ABHD17C: variants seen among roughly 807,000 people sequenced by gnomAD.
The protein encoded by ABHD17C is alpha/beta hydrolase domain-containing protein 17C.
ABHD17C carries 11 observed loss-of-function variants against 27.9 expected under a neutral mutation model. The ratio of observed to expected loss-of-function variants is 0.39; its 90% CI spans 0.25 to 0.65. The LOEUF (loss-of-function observed/expected upper bound fraction) is 0.65. Among genes scored for constraint, ABHD17C ranks in the 30% least tolerant of loss-of-function variants. The pLI is 0.45. For missense variants in ABHD17C, 280 were observed against 470.2 expected (o/e 0.60, Z 3.74); for synonymous variants, 233 against 209.1 (o/e 1.11, Z -0.98).
chr15:80,754,031 A>T (rs1211610469), intron 2 of ABHD17C, 120 bp from the exon 3 acceptor site: 1 of 814,462 alleles, frequency 1.2e-6, no homozygotes, highest in Non-Finnish European at 1.9e-6. Context: ...AACAAAAAAA[A>T]CCCACGGTGT....
chr15:80,715,065 G>A (rs908288009), intron 1 of ABHD17C, among the ~76,000 whole-genome samples: 36 of 152,182 alleles, frequency 2.4e-4, no homozygotes, highest in East Asian at 1.9e-4. Flanking sequence ...ACAGGCGTGA[G>A]CCACCGCGCC....
At chr15:80,727,160 A>G (rs1450825615) in intron 1 of ABHD17C, among the ~76,000 whole-genome samples, 1 of 152,236 alleles carries the variant, frequency 6.6e-6, no homozygotes, top group Non-Finnish European at 1.5e-5. Context: ...CCTGACCTTG[A>G]TGTCTTTTCC....
chr15:80,749,762 A>G (rs1895341507), intron 2 of ABHD17C, 70 bp downstream of exon 2: 1 of 1,505,492 alleles, frequency 6.6e-7, no homozygotes, highest in South Asian at 1.2e-5. Context: ...GCTCCCATAA[A>G]TATCTGTGTA....
chr15:80,708,903 G>A (rs879089725), intron 1 of ABHD17C, among the ~76,000 whole-genome samples: 1 of 152,264 alleles, frequency 6.6e-6, no homozygotes, highest in African/African-American at 2.4e-5. Context: ...TTTTAAACCC[G>A]CAGGCCTGCA....
intron 1 of ABHD17C, among the ~76,000 whole-genome samples, chr15:80,698,354 G>C (rs1011525810): frequency 4.6e-5 from 7 of 151,978 alleles, no homozygotes; most frequent in Non-Finnish European, 7.4e-5. Flanking sequence ...GTGAGCCACC[G>C]CGCCTGGCCT....
At chr15:80,728,455 GT>G (rs759099142) in intron 1 of ABHD17C, among the ~76,000 whole-genome samples, 33 of 152,236 alleles carry the variant, frequency 2.2e-4, no homozygotes, top group Non-Finnish European at 4.3e-4. Context: ...TTTAGGAGAA[GT>G]GACAGTGACT....
At chr15:80,713,085 C>CTT (rs1555422285) in intron 1 of ABHD17C, among the ~76,000 whole-genome samples, 1 of 144,066 alleles carries the variant, frequency 6.9e-6, no homozygotes, top group South Asian at 2.2e-4. Flanking sequence ...CTTTGTAAGT[C>CTT]TTTTTTTTTT....
chr15:80,712,459 A>G (rs1351690419), intron 1 of ABHD17C, among the ~76,000 whole-genome samples: 1 of 152,244 alleles, frequency 6.6e-6, no homozygotes, highest in Non-Finnish European at 1.5e-5. Flanking sequence ...CTCTGGGCCC[A>G]GGAAACAGCC....
chr15:80,704,361 C>T (rs1382524588), intron 1 of ABHD17C, among the ~76,000 whole-genome samples: 1 of 152,088 alleles, frequency 6.6e-6, no homozygotes, highest in Non-Finnish European at 1.5e-5. Flanking sequence ...ATCACTGTGG[C>T]CCACCCCACC....
At chr15:80,707,135 G>A (rs1245645329) in intron 1 of ABHD17C, among the ~76,000 whole-genome samples, 1 of 152,196 alleles carries the variant, frequency 6.6e-6, no homozygotes, top group Non-Finnish European at 1.5e-5. Flanking sequence ...AAATTTATCT[G>A]TGTGCACAGG....
At chr15:80,697,911 T>C (rs989610339) in intron 1 of ABHD17C, among the ~76,000 whole-genome samples, 1 of 152,182 alleles carries the variant, frequency 6.6e-6, no homozygotes, top group Non-Finnish European at 1.5e-5. Context: ...TTTCAAACTG[T>C]TTTGACTGTA....
At chr15:80,703,805 C>G (rs1404555426) in intron 1 of ABHD17C, among the ~76,000 whole-genome samples, 3 of 152,170 alleles carry the variant, frequency 2.0e-5, no homozygotes, top group Non-Finnish European at 2.9e-5. Flanking sequence ...ACAGCTATCC[C>G]CCCTTACCTG....
At chr15:80,716,786 T>G (rs972121170) in intron 1 of ABHD17C, among the ~76,000 whole-genome samples, 1 of 152,200 alleles carries the variant, frequency 6.6e-6, no homozygotes, top group Non-Finnish European at 1.5e-5. Context: ...CTTAATCTCT[T>G]TTGCAGCCGG....
chr15:80,748,937 G>T (rs1895328654), intron 1 of ABHD17C, among the ~76,000 whole-genome samples: 1 of 151,892 alleles, frequency 6.6e-6, no homozygotes, highest in African/African-American at 2.4e-5. Context: ...CTAACAATTT[G>T]AAGAGAATGG....
chr15:80,713,038 G>A (rs2141496858), intron 1 of ABHD17C, among the ~76,000 whole-genome samples: 1 of 151,338 alleles, frequency 6.6e-6, no homozygotes, highest in South Asian at 2.1e-4. Flanking sequence ...AGCATCTACA[G>A]TTCCACTCAC....
intron 1 of ABHD17C, among the ~76,000 whole-genome samples, chr15:80,714,132 T>C (rs1487241999): frequency 1.3e-5 from 2 of 152,096 alleles, no homozygotes; most frequent in African/African-American, 2.4e-5. Flanking sequence ...TTTTGTATTT[T>C]TTTGTAGAGA....
intron 1 of ABHD17C, among the ~76,000 whole-genome samples, chr15:80,713,384 A>ATTTTTTTTTTTTT (rs1339911224): frequency 2.1e-5 from 1 of 47,432 alleles, no homozygotes; most frequent in African/African-American, 1.4e-4. Context: ...TTTTTTTTTC[A>ATTTTTTTTTTTTT]AAATCAGCCT....
intron 1 of ABHD17C, among the ~76,000 whole-genome samples, chr15:80,715,759 A>G (rs1894795921): frequency 6.6e-6 from 1 of 152,116 alleles, no homozygotes; most frequent in Non-Finnish European, 1.5e-5. Flanking sequence ...GTTTCCATGT[A>G]TTTCTTTCGA....
At chr15:80,713,404 A>C (rs1202557920) in intron 1 of ABHD17C, among the ~76,000 whole-genome samples, 1 of 136,116 alleles carries the variant, frequency 7.3e-6, no homozygotes, top group Non-Finnish European at 1.5e-5. Flanking sequence ...TTAGAAAGGA[A>C]AACAGAAAGA....
Sources: allele counts gnomAD v4.1 joint callset (sites outside exome capture counted in the v4.1 genomes callset), GRCh38; gene constraint gnomAD v4.1.1; transcripts MANE v1.5; gene names NCBI Gene and HGNC (gene_info 2026-07-23, HGNC 2026-07-21).